CA4: variants seen among roughly 807,000 people sequenced by gnomAD.
CA4 encodes the protein CA-IV.
CA4 carries 24 observed loss-of-function variants against 34.5 expected under a neutral mutation model. The observed-to-expected ratio is 0.70, with a 90% CI of 0.50 to 0.98. The LOEUF is 0.98. Ranked by LOEUF, CA4 falls within the 50% of genes least tolerant of loss-of-function variation. CA4 has a pLI of 0.00. For missense variants in CA4, 394 were observed against 396.7 expected, an observed-to-expected ratio of 0.99 and a Z score of 0.06; for synonymous variants, 178 against 170.6, an observed-to-expected ratio of 1.04 and a Z score of -0.34.
intron 2 of CA4, among the ~76,000 whole-genome samples, 170 bp downstream of exon 2, chr17:60,155,537 T>TCACA (rs1157550601): frequency 4.2e-5 from 6 of 144,252 alleles, no homozygotes; most frequent in Non-Finnish European, 9.1e-5. Flanking sequence ...TCTCTCTCTC[T>TCACA]CTCACACACA....
intron 3 of CA4, among the ~76,000 whole-genome samples, 177 bp from the exon 4 acceptor site, chr17:60,157,250 G>A (rs2083703948): frequency 6.6e-6 from 1 of 152,256 alleles, no homozygotes; most frequent in East Asian, 1.9e-4. Flanking sequence ...GGAGGCCAGG[G>A]AAAGGTCCGG....
downstream of CA4, among the ~76,000 whole-genome samples, chr17:60,175,189 A>ACTTTTTTT (rs2083947008): frequency 9.3e-6 from 1 of 107,690 alleles, no homozygotes; most frequent in African/African-American, 4.9e-5. Context: ...CACCCAGCTG[A>ACTTTTTTT]TTTTTTTTTT....
At chr17:60,168,932 A>G (rs1375527037) in intron 5 of CA4, among the ~76,000 whole-genome samples, 1 of 152,194 alleles carries the variant, frequency 6.6e-6, no homozygotes, top group African/African-American at 2.4e-5. Flanking sequence ...TGCTATAACC[A>G]GGAAAACACA....
chr17:60,172,865 C>T (rs542723893), downstream of CA4, among the ~76,000 whole-genome samples: 331 of 140,088 alleles, frequency 2.4e-3, 4 homozygotes, highest in African/African-American at 8.4e-3. Flanking sequence ...TAAAATAGGC[C>T]GGGCACAGTG....
At chr17:60,151,754 G>T (rs959881491) in intron 1 of CA4, among the ~76,000 whole-genome samples, 1 of 152,174 alleles carries the variant, frequency 6.6e-6, no homozygotes, top group African/African-American at 2.4e-5. Flanking sequence ...CCCCTTTAGT[G>T]CCAAGGCTTT....
intron 7 of CA4, chr17:60,158,826 G>A (rs183020822): frequency 3.1e-4 from 127 of 410,170 alleles, no homozygotes; most frequent in Non-Finnish European, 4.8e-4. Context: ...ATCACTGGGG[G>A]AATTTGTTAG....
At position 60,157,686 on chromosome 17, in the gene CA4, C is replaced by T; in HGVS notation, c.415-4C>T. The T allele has an allele frequency of 1.2e-6, 2 of 1,613,296 alleles. No homozygotes were observed. Among genetic ancestry groups the T allele is most frequent in the Non-Finnish European group, 1.7e-6 (2 of 1,179,216 alleles). Reference sequence around the variant, plus strand: ...TCCCCTTTTCACCCCTCCACCCCGACCAGATGCACATAGTACATGAGAAAG... The same window carrying T: ...TCCCCTTTTCACCCCTCCACCCCGATCAGATGCACATAGTACATGAGAAAG... On this transcript the variant is annotated splice_region_variant and splice_polypyrimidine_tract_variant and intron_variant, in intron 4 of 7. Coordinates refer to ENST00000300900, the MANE Select transcript of CA4 (RefSeq NM_000717.5).
intron 1 of CA4, among the ~76,000 whole-genome samples, chr17:60,150,633 A>G (rs1218306638): frequency 8.1e-6 from 1 of 123,678 alleles, no homozygotes; most frequent in Admixed American, 1.1e-4. Context: ...ACGCCACTGC[A>G]CTCCAGCCTG....
intron 2 of CA4, among the ~76,000 whole-genome samples, chr17:60,155,973 T>C (rs2083676658): frequency 6.6e-6 from 1 of 152,166 alleles, no homozygotes; most frequent in Non-Finnish European, 1.5e-5. Context: ...TGTGTTTTGG[T>C]GACTGAGCAG....
intron 5 of CA4, among the ~76,000 whole-genome samples, chr17:60,164,867 G>A (rs963884898): frequency 5.9e-5 from 9 of 151,988 alleles, no homozygotes; most frequent in African/African-American, 1.7e-4. Context: ...AGAAACATCC[G>A]GGCATGCAGC....
intron 3 of CA4, chr17:60,156,980 C>T: frequency 1.8e-6 from 1 of 560,814 alleles, no homozygotes; most frequent in Non-Finnish European, 3.2e-6. Context: ...CATGGAACAG[C>T]TCGGCGTGTT....
At chr17:60,155,523 ACTCTCTCTCTCT>A (rs1216768588) in intron 2 of CA4, among the ~76,000 whole-genome samples, 156 bp downstream of exon 2, 2 of 146,260 alleles carry the variant, frequency 1.4e-5, no homozygotes, top group African/African-American at 5.2e-5. Flanking sequence ...ACACACACAC[ACTCTCTCTCTCT>A]CTCTCACACA....
At chr17:60,158,630 T>G in intron 7 of CA4, 184 bp downstream of exon 7, 2 of 644,382 alleles carry the variant, frequency 3.1e-6, no homozygotes, top group Admixed American at 5.0e-5. Flanking sequence ...ATCACCAGAT[T>G]GGGGGCTAGA....
At chr17:60,161,141 A>C (rs974152384), downstream of CA4, among the ~76,000 whole-genome samples, 3 of 152,000 alleles carry the variant, frequency 2.0e-5, no homozygotes, top group Admixed American at 6.6e-5. Flanking sequence ...TTGTCAGGAA[A>C]GTCCCCACCA....
intron 5 of CA4, among the ~76,000 whole-genome samples, chr17:60,167,320 C>T (rs1297976395): frequency 2.0e-5 from 3 of 152,216 alleles, no homozygotes; most frequent in Non-Finnish European, 4.4e-5. Context: ...TCCCCCACCA[C>T]TCCCCGCAGT....
chr17:60,155,512 C>G, intron 2 of CA4, 145 bp downstream of exon 2: 1 of 642,974 alleles, frequency 1.6e-6, no homozygotes, highest in Non-Finnish European at 2.8e-6. Flanking sequence ...CACACACACA[C>G]ACACACACAC....
rs576254680 is a variant in CA4 at position 60,156,111 on chromosome 17, C to T, written c.113-449C>T. ...TGCTCAGCGCCCTTCATCAGCAGCC[C>T]CCCCGGGGGTCCCACTCCACAGTTT... On this transcript the variant is annotated intron_variant, in intron 2 of 7. Transcript: ENST00000300900. 4.6e-5 allele frequency among the ~76,000 whole-genome samples: 7 copies of T among 152,256 alleles called. No individual in the cohort carries two copies. In the East Asian group the frequency reaches 1.4e-3, roughly 29 times the overall value.
rs766938149 is a variant in CA4 at position 60,159,295 on chromosome 17, C to T, written c.810C>T (p.Val270=). The T allele has an allele frequency of 1.2e-6, 2 of 1,610,134 alleles. No homozygotes were observed. Among genetic ancestry groups the T allele is most frequent in the East Asian group, 2.2e-5 (1 of 44,678 alleles). ...AGACAGTGAGCATGAAGGACAATGTCAGGCCCCTGCAGCAGCTGGGGCAGC... is the reference window on the plus strand; with the variant it reads ...AGACAGTGAGCATGAAGGACAATGTTAGGCCCCTGCAGCAGCTGGGGCAGC... ...KEQTVSMKDN[V]RPLQQLGQRT... is the part of the protein sequence containing the mutation. Residue 270 remains valine, a synonymous_variant, in exon 8 of 8, where the codon GTC becomes GTT. Coordinates refer to ENST00000300900, the MANE Select transcript of CA4 (RefSeq NM_000717.5).
chr17:60,176,981 C>T, the CA4 span, among the ~76,000 whole-genome samples: 4 of 152,252 alleles, frequency 2.6e-5, no homozygotes, highest in Non-Finnish European at 4.4e-5. Context: ...CAAGGGGGAG[C>T]GGCTCTAAAT....
Sources: allele counts gnomAD v4.1 joint callset (sites outside exome capture counted in the v4.1 genomes callset), GRCh38; gene constraint gnomAD v4.1.1; transcripts MANE v1.5; gene names NCBI Gene and HGNC (gene_info 2026-07-23, HGNC 2026-07-21).